The following TECR variants were observed in gnomAD, a reference collection of about 807,000 sequenced individuals.
TECR encodes the protein very-long-chain enoyl-CoA reductase.
Under a neutral mutation model 50.6 loss-of-function variants are expected in TECR, and 19 were observed. The observed-to-expected ratio is 0.38, with a 90% CI of 0.26 to 0.55. TECR has a LOEUF of 0.55. Among genes scored for constraint, TECR ranks in the 20% least tolerant of loss-of-function variants. TECR has a pLI of 0.79. For synonymous variants in TECR, 168 were observed against 163.5 expected (o/e 1.03, Z -0.21); for missense variants, 313 against 408.3 (o/e 0.77, Z 2.01).
rs1236843999 is a variant in TECR at position 14,565,287 on chromosome 19, C to T, written c.750C>T (p.Tyr250=). The change falls in exon 11 of 13, where the codon TAC becomes TAT. Residue 250 remains tyrosine (Y), a synonymous_variant. Coordinates refer to ENST00000215567, the MANE Select transcript of TECR (RefSeq NM_138501.6). ...TGGTGTCCTGCCCCAACTACACCTA[C>T]GAGGTGAGGGGCTGCCTTACCCCTC... ...FLLVSCPNYT[Y]EVGSWIGFAI... 1.2e-6 allele frequency: 2 copies of T among 1,613,110 alleles called. No individual in the cohort carries two copies. The highest frequency in any genetic ancestry group is 1.7e-5 in the Admixed American group (1 of 60,024).
At chr19:14,527,983 C>T (rs765707459), upstream of TECR, among the ~76,000 whole-genome samples, 6 of 151,954 alleles carry the variant, frequency 3.9e-5, no homozygotes, top group Non-Finnish European at 7.4e-5. Context: ...CTCCACCTCC[C>T]GGGTTCAAGC....
At chr19:14,543,411 ATATATATATTTTTTTTTTTTTT>A (rs2073181554) in intron 1 of TECR, among the ~76,000 whole-genome samples, 2 of 9,124 alleles carry the variant, frequency 2.2e-4, no homozygotes, top group African/African-American at 7.2e-4. Context: ...ATATATATAT[ATATATATATTTTTTTTTTTTTT>A]TTTTTTTTTT....
intron 1 of TECR, among the ~76,000 whole-genome samples, chr19:14,560,536 C>G (rs923440743): frequency 6.6e-6 from 1 of 152,238 alleles, no homozygotes; most frequent in Non-Finnish European, 1.5e-5. Flanking sequence ...CTTGGTGGGG[C>G]CCAACGTCCT....
intron 1 of TECR, among the ~76,000 whole-genome samples, chr19:14,554,478 G>T (rs1382387996): frequency 1.3e-5 from 2 of 152,130 alleles, no homozygotes; most frequent in Admixed American, 6.5e-5. Context: ...CGCCAGCAAG[G>T]CCATTGAACC....
rs1230461487 is a variant in TECR, at chr19:14,529,615, G to C, written c.-82G>C. 6.2e-7 allele frequency: 1 copy of C among 1,604,698 alleles called. No homozygotes were observed. Among genetic ancestry groups the C allele is most frequent in the South Asian group, 1.1e-5 (1 of 90,914 alleles). ...CCGCGTTTAGTCTATCGCTGCGGTT[G>C]CGAGCGCTGTAGGGAGCCTGTGCTG... is the stretch of plus-strand genomic sequence containing the variant. On this transcript the variant is annotated 5_prime_UTR_variant, in exon 1 of 13. Coordinates refer to ENST00000215567, the MANE Select transcript of TECR (RefSeq NM_138501.6).
chr19:14,539,694 G>C (rs922946489), intron 1 of TECR, among the ~76,000 whole-genome samples: 1 of 151,924 alleles, frequency 6.6e-6, no homozygotes, highest in Admixed American at 6.6e-5. Context: ...CTATTCCCTC[G>C]GCCCTGGATG....
Position 14,537,744 on chromosome 19 carries a change from G to GTTTT in TECR, c.15+8049_15+8052dup, listed in dbSNP as rs533380690. Among the ~76,000 whole-genome samples the GTTTT allele has an allele frequency of 4.4e-4, 55 of 126,242 alleles. 1 individual carries two copies. The highest frequency in any genetic ancestry group is 4.4e-3 in the Middle Eastern group (1 of 226). 82.8% of individuals were successfully genotyped at this position (126,242 alleles called of 152,430 possible). The stretch of plus-strand genomic sequence containing the variant: ...GTGAATATAGTGCTTAATTATCAGT[G>GTTTT]TTTTTTTTTTTTTTTTTTTGAGACG... On this transcript the variant is annotated intron_variant, in intron 1 of 12. Coordinates refer to ENST00000215567, the MANE Select transcript of TECR (RefSeq NM_138501.6).
chr19:14,529,660 A>C lies in TECR; in HGVS notation c.-37A>C. 2 of 1,613,816 alleles carry C rather than the reference A, an allele frequency of 1.2e-6. No homozygotes were observed. The highest frequency in any genetic ancestry group is 2.2e-5 in the South Asian group (2 of 91,088). On this transcript the variant is annotated 5_prime_UTR_variant, in exon 1 of 13. Transcript: ENST00000215567. ...GTGCTGTGCCGCGCAGTTAGGCAGC[A>C]GCAGCCGCGGAGCAGTAGCCGCCGT...
chr19:14,564,397 C>G (rs964183691), intron 7 of TECR, 110 bp downstream of exon 7: 129 of 891,778 alleles, frequency 1.4e-4, no homozygotes, highest in Middle Eastern at 3.2e-4. Flanking sequence ...TACGCCCCAG[C>G]AGAGCCCTAC....
chr19:14,539,271 G>A (rs2073016391), intron 1 of TECR, among the ~76,000 whole-genome samples: 1 of 150,942 alleles, frequency 6.6e-6, no homozygotes, highest in Admixed American at 6.7e-5. Context: ...TGGGATTACA[G>A]GCGTGAGCCA....
chr19:14,559,856 C>T (rs2073851545), intron 1 of TECR, among the ~76,000 whole-genome samples: 1 of 152,162 alleles, frequency 6.6e-6, no homozygotes, highest in Non-Finnish European at 1.5e-5. Context: ...CTGCTCCCCC[C>T]AGAGCCTTTC....
At chr19:14,535,743 TG>T (rs1316145381) in intron 1 of TECR, among the ~76,000 whole-genome samples, 2 of 95,550 alleles carry the variant, frequency 2.1e-5, no homozygotes, top group African/African-American at 8.9e-5. Context: ...GGCAACAGAG[TG>T]AGACTCTGTC....
chr19:14,562,762 G>A (rs1440540205), intron 2 of TECR, among the ~76,000 whole-genome samples, 187 bp downstream of exon 2: 1 of 152,150 alleles, frequency 6.6e-6, no homozygotes, highest in Non-Finnish European at 1.5e-5. Context: ...GGAGGCACAG[G>A]AGTCTCAGTG....
chr19:14,529,891 G>C, intron 1 of TECR, 180 bp downstream of exon 1: 3 of 849,702 alleles, frequency 3.5e-6, no homozygotes, highest in Non-Finnish European at 5.7e-6. Flanking sequence ...CATGTGCGCA[G>C]GAAGTATTTA....
At position 14,563,342 on chromosome 19, in the gene TECR, C is replaced by CAGAGA. The variant is rs879609794; in HGVS notation, c.118+85_118+86insAGAGA. 9.6e-3 allele frequency: 12,567 copies of CAGAGA among 1,305,924 alleles called. 915 individuals carry two copies. In the African/African-American group the frequency reaches 0.16, roughly 16 times the overall value. The allele number at this position is 1,305,924 out of a possible 1,614,324, so 80.9% of individuals were successfully genotyped here. A position where few individuals can be genotyped will look rare whatever the true frequency, so the allele number is the denominator to read the frequency against. On this transcript the variant is annotated intron_variant, in intron 3 of 12. Coordinates refer to ENST00000215567, the MANE Select transcript of TECR (RefSeq NM_138501.6). The surrounding 1 kb of genome is among the most constrained non-coding windows in gnomAD (Gnocchi z 5.3). ...GGGAGGGATCCCATCCTGCACCCCTCTCCCAGGGGCCTGCAGAGATGCCCC... is the reference window on the plus strand; with the variant it reads ...GGGAGGGATCCCATCCTGCACCCCTCAGAGATCCCAGGGGCCTGCAGAGATGCCCC...
intron 1 of TECR, among the ~76,000 whole-genome samples, chr19:14,551,319 C>T (rs2073496418): frequency 6.6e-6 from 1 of 152,068 alleles, no homozygotes; most frequent in African/African-American, 2.4e-5. Context: ...AGGTGATCCA[C>T]CCACCTCGGC....
chr19:14,564,466 G>A (rs1435840432), intron 7 of TECR, among the ~76,000 whole-genome samples, 179 bp downstream of exon 7: 3 of 22,044 alleles, frequency 1.4e-4, no homozygotes, highest in East Asian at 2.5e-3. Context: ...GACCCCGCCC[G>A]TCCTCCCCAG....
chr19:14,543,184 C>A (rs1382691294), intron 1 of TECR, among the ~76,000 whole-genome samples: 2 of 149,088 alleles, frequency 1.3e-5, no homozygotes, highest in Non-Finnish European at 1.5e-5. Context: ...TGGGGAGAAG[C>A]TGTTTCCCCA....
At chr19:14,528,901 C>A (rs1240830436), upstream of TECR, among the ~76,000 whole-genome samples, 4 of 152,104 alleles carry the variant, frequency 2.6e-5, no homozygotes, top group South Asian at 2.1e-4. Flanking sequence ...CGTCATTGCG[C>A]CACTGCACTC....
Sources: gnomAD v4.1 joint callset for allele counts (sites outside exome capture counted in the v4.1 genomes callset) on GRCh38, gnomAD v4.1.1 for gene constraint, Gnocchi (gnomAD v3.1) non-coding constraint, MANE v1.5 for transcripts, NCBI Gene and HGNC (gene_info 2026-07-23, HGNC 2026-07-21) for gene names.